Variants in ZNF468 observed in about 807,000 individuals in gnomAD.
ZNF468 encodes zinc finger protein 468, also known as zinc finger protein ZNF468.
A neutral mutation model predicts 7.2 loss-of-function variants in ZNF468; 8 were observed. The ratio of observed to expected loss-of-function variants is 1.11; its 90% CI spans 0.65 to 2.01. The LOEUF (loss-of-function observed/expected upper bound fraction) is 2.01, where lower values mean the gene tolerates loss of function less well. Among genes scored for constraint, ZNF468 ranks in the 30% most tolerant of loss-of-function variants. The pLI is 0.00. For synonymous variants in ZNF468, 218 were observed against 214.4 expected (o/e 1.02, Z -0.15); for missense variants, 608 against 626.5 (o/e 0.97, Z 0.31).
chr19:52,856,498 T>C (rs868574635), intron 1 of ZNF468, among the ~76,000 whole-genome samples: 2 of 121,336 alleles, frequency 1.6e-5, no homozygotes, highest in Non-Finnish European at 3.8e-5. Flanking sequence ...CTGCTCTCCC[T>C]GTTAAATTCT....
chr19:52,857,185 T>C (rs2063447911), intron 1 of ZNF468, among the ~76,000 whole-genome samples: 1 of 151,868 alleles, frequency 6.6e-6, no homozygotes, highest in Non-Finnish European at 1.5e-5. Flanking sequence ...GAACGCAGCC[T>C]TCCCGGGACT....
Position 52,854,303 on chromosome 19 carries a change from C to A in ZNF468, c.-31G>T. The stretch of plus-strand genomic sequence containing the variant: ...ACTCCTTTGCTTTCCTCTTCCTCTT[C>A]TGGGTTTCTTTCTCACGTACCAACA... On this transcript the variant is annotated 5_prime_UTR_variant, in exon 2 of 4. Transcript: ENST00000595646. The A allele has an allele frequency of 6.2e-7, 1 of 1,613,608 alleles. No homozygotes were observed. The highest frequency in any genetic ancestry group is 8.5e-7 in the Non-Finnish European group (1 of 1,179,718).
chr19:52,848,957 C>A (rs1406012401), intron 3 of ZNF468, 130 bp downstream of exon 3: 6 of 1,462,446 alleles, frequency 4.1e-6, no homozygotes, highest in Non-Finnish European at 4.6e-6. Flanking sequence ...GATGCTACAT[C>A]ATGAAGCTTT....
At chr19:52,844,919 GAC>G (rs2063330911) in intron 3 of ZNF468, among the ~76,000 whole-genome samples, 1 of 152,150 alleles carries the variant, frequency 6.6e-6, no homozygotes, top group African/African-American at 2.4e-5. Flanking sequence ...ACCAAGGGCT[GAC>G]AAATCTTATT....
At chr19:52,849,316 G>C (rs1166667324) in intron 2 of ZNF468, 103 bp from the exon 3 acceptor site, 10 of 1,581,410 alleles carry the variant, frequency 6.3e-6, no homozygotes, top group Non-Finnish European at 8.6e-6. Context: ...TAACTGTAGA[G>C]AATGTTCTGA....
At chr19:52,850,704 C>A (rs1437377109) in intron 2 of ZNF468, among the ~76,000 whole-genome samples, 3 of 151,694 alleles carry the variant, frequency 2.0e-5, no homozygotes, top group Admixed American at 1.3e-4. Flanking sequence ...TCGAGACCAT[C>A]CTGGCTAACA....
rs1345288114 is a variant in ZNF468, at chr19:52,839,776, C to T, written c.*949G>A. The T allele has an allele frequency of 2.0e-6, 1 of 496,248 alleles. No individual in the cohort carries two copies. The highest frequency in any genetic ancestry group is 2.4e-5 in the Admixed American group (1 of 41,806). 30.7% of individuals were successfully genotyped at this position (496,248 alleles called of 1,614,324 possible). On this transcript the variant is annotated 3_prime_UTR_variant, in exon 4 of 4. Transcript: ENST00000595646. The stretch of plus-strand genomic sequence containing the variant: ...GCTTGACTGAAGACCTTGCCTCAAT[C>T]ATGACATTTATAAGGTTTCTCTCCA...
At chr19:52,854,369 T>G in intron 1 of ZNF468, 24 bp from the exon 2 acceptor site, 6 of 1,594,878 alleles carry the variant, frequency 3.8e-6, no homozygotes, top group Non-Finnish European at 5.1e-6. Flanking sequence ...ATATGTTGTT[T>G]ATCACTCAGA....
chr19:52,839,655 A>T lies in ZNF468; in HGVS notation c.*1070T>A, dbSNP rs2063277510. On this transcript the variant is annotated 3_prime_UTR_variant, in exon 4 of 4. Coordinates refer to ENST00000595646, the MANE Select transcript of ZNF468 (RefSeq NM_001008801.2). Reference sequence around the variant, plus strand: ...TCCAGCATGGATTCTCTGATGTCTAATGAGGTGTGAATGTGAAGTAAACGC... The same window carrying T: ...TCCAGCATGGATTCTCTGATGTCTATTGAGGTGTGAATGTGAAGTAAACGC... The T allele has an allele frequency of 7.3e-6, 4 of 549,590 alleles. No homozygotes were observed. The highest frequency in any genetic ancestry group is 2.8e-5 in the South Asian group (2 of 72,024). The allele number at this position is 549,590 out of a possible 1,614,324, so 34.0% of individuals were successfully genotyped here.
rs772403344 is a variant in ZNF468 at position 52,841,365 on chromosome 19, C to A, written c.929G>T (p.Arg310Leu). The part of the protein sequence containing the change: ...ECEECDKVFS[R>L]KSHLERHKRI... The stretch of plus-strand genomic sequence containing the variant: ...CTTATGTCTTTCAAGGTGTGATTTG[C>A]GACTGAAAACTTTGTCACATTCTTC... Residue 310 changes from arginine to leucine, a missense_variant, in exon 4 of 4, where the codon CGC becomes CTC. Coordinates refer to ENST00000595646, the MANE Select transcript of ZNF468 (RefSeq NM_001008801.2). 6.2e-7 allele frequency: 1 copy of A among 1,613,738 alleles called. No individual in the cohort carries two copies. Among genetic ancestry groups the A allele is most frequent in the African/African-American group, 1.3e-5 (1 of 74,860 alleles).
chr19:52,852,740 G>T lies in ZNF468; in HGVS notation c.15+1518C>A, dbSNP rs2063400432. Among the ~76,000 whole-genome samples, 3 of 152,046 alleles carry T rather than the reference G, an allele frequency of 2.0e-5. No homozygotes were observed. The South Asian group carries it at 6.2e-4, about 31-fold the overall frequency. On this transcript the variant is annotated intron_variant, in intron 2 of 3. Transcript: ENST00000595646. Reference sequence around the variant, plus strand: ...TGGGTACTGGACTTGATACCGGAGTGATGAAATAATTGGTACAACAAACTC... The same window carrying T: ...TGGGTACTGGACTTGATACCGGAGTTATGAAATAATTGGTACAACAAACTC...
At chr19:52,842,764 T>G (rs542396844) in intron 3 of ZNF468, among the ~76,000 whole-genome samples, 4 of 121,134 alleles carry the variant, frequency 3.3e-5, no homozygotes, top group Admixed American at 1.2e-4. Flanking sequence ...TGCAGTTAGC[T>G]AAGATTGCAT....
At chr19:52,855,616 T>G (rs949429690) in intron 1 of ZNF468, among the ~76,000 whole-genome samples, 1 of 152,116 alleles carries the variant, frequency 6.6e-6, no homozygotes, top group African/African-American at 2.4e-5. Flanking sequence ...TGTGATATTC[T>G]AATACAGACA....
Position 52,840,363 on chromosome 19 carries a change from G to T in ZNF468, c.*362C>A. The T allele has an allele frequency of 4.2e-6, 2 of 476,584 alleles. No individual in the cohort carries two copies. The highest frequency in any genetic ancestry group is 4.6e-5 in the East Asian group (1 of 21,774). 29.5% of individuals were successfully genotyped at this position (476,584 alleles called of 1,614,324 possible). On this transcript the variant is annotated 3_prime_UTR_variant, in exon 4 of 4. Coordinates refer to ENST00000595646, the MANE Select transcript of ZNF468 (RefSeq NM_001008801.2). ...TTACAAGGTGTGAATTTTGACCAAC[G>T]GTCTTGCCACACTCATTACACTTAT...
chr19:52,840,651 C>A lies in ZNF468; in HGVS notation c.*74G>T. ...CACATTCATTATGCTTGTAAGGTTT[C>A]TCTCCAGTATGAATTGCCTTATGAC... is the stretch of plus-strand genomic sequence containing the variant. On this transcript the variant is annotated 3_prime_UTR_variant, in exon 4 of 4. Coordinates refer to ENST00000595646, the MANE Select transcript of ZNF468 (RefSeq NM_001008801.2). The A allele has an allele frequency of 6.2e-7, 1 of 1,606,332 alleles. No individual in the cohort carries two copies. The highest frequency in any genetic ancestry group is 2.2e-5 in the East Asian group (1 of 44,812).
chr19:52,855,636 A>G (rs6509698), intron 1 of ZNF468, among the ~76,000 whole-genome samples: 128,460 of 151,294 alleles, frequency 0.85, 54,207 homozygotes, highest in African/African-American at 0.89. Flanking sequence ...AAAGGCCTCC[A>G]AAGATCCTCT....
Position 52,840,415 on chromosome 19 carries a change from T to A in ZNF468, c.*310A>T. On this transcript the variant is annotated 3_prime_UTR_variant, in exon 4 of 4. Coordinates refer to ENST00000595646, the MANE Select transcript of ZNF468 (RefSeq NM_001008801.2). ...ATGAGTTTCTCTCCAGTGTGAATTC[T>A]AGTATGTTTTGCCAGATATGCATTA... 1.8e-6 allele frequency: 1 copy of A among 563,464 alleles called. No homozygotes were observed. Among genetic ancestry groups the A allele is most frequent in the East Asian group, 3.6e-5 (1 of 28,156 alleles). The allele number at this position is 563,464 out of a possible 1,614,324, so 34.9% of individuals were successfully genotyped here. A position where few individuals can be genotyped will look rare whatever the true frequency, so the allele number is the denominator to read the frequency against.
chr19:52,855,196 G>C (rs1462262136), intron 1 of ZNF468, among the ~76,000 whole-genome samples: 5 of 149,072 alleles, frequency 3.4e-5, no homozygotes, highest in South Asian at 2.1e-4. Flanking sequence ...AAAAAAAAGT[G>C]CATTTCTGAT....
rs118136872 is a variant in ZNF468, at chr19:52,852,760, A to C, written c.15+1498T>G. 1.9e-4 allele frequency among the ~76,000 whole-genome samples: 29 copies of C among 152,282 alleles called. No homozygotes were observed. The East Asian group carries it at 5.4e-3, about 28-fold the overall frequency. On this transcript the variant is annotated intron_variant, in intron 2 of 3. Coordinates refer to ENST00000595646, the MANE Select transcript of ZNF468 (RefSeq NM_001008801.2). The stretch of plus-strand genomic sequence containing the variant: ...GGAGTGATGAAATAATTGGTACAAC[A>C]AACTCCAATGACGTGAGTTTACCTC...
Sources: allele counts gnomAD v4.1 joint callset (sites outside exome capture counted in the v4.1 genomes callset), GRCh38; gene constraint gnomAD v4.1.1; transcripts MANE v1.5; gene names NCBI Gene and HGNC (gene_info 2026-07-23, HGNC 2026-07-21).